SLC9A4: variants seen among roughly 807,000 people sequenced by gnomAD.
SLC9A4 encodes the protein solute carrier family 9 member A4.
SLC9A4 carries 63 observed loss-of-function variants against 67.4 expected under a neutral mutation model. The observed-to-expected ratio is 0.93, with a 90% CI of 0.76 to 1.15. The LOEUF (loss-of-function observed/expected upper bound fraction) is 1.15, where lower values mean the gene tolerates loss of function less well. Among genes scored for constraint, SLC9A4 ranks in the 50% most tolerant of loss-of-function variants. SLC9A4 has a pLI of 0.00. For synonymous variants in SLC9A4, 393 were observed against 367.2 expected, an observed-to-expected ratio of 1.07 and a Z score of -0.80; for missense variants, 1,089 against 987.7, an observed-to-expected ratio of 1.10 and a Z score of -1.38.
At chr2:102,489,802 CTT>C (rs1462312288) in intron 2 of SLC9A4, among the ~76,000 whole-genome samples, 1 of 152,172 alleles carries the variant, frequency 6.6e-6, no homozygotes, top group Non-Finnish European at 1.5e-5. Context: ...AGCTTCCTCT[CTT>C]CTGCTTTTCA....
In SLC9A4 at chr2:102,479,266, C is replaced by A. The variant is rs975705657; in HGVS notation, c.684C>A (p.Ile228=). ...ARVNEQLYMM[I]FGEALLNDGI... is the part of the protein sequence containing the mutation. ...TGAACGAGCAGCTCTACATGATGAT[C>A]TTTGGGGAGGCCCTGCTCAATGATG... Residue 228 remains isoleucine (I), a synonymous_variant, in exon 2 of 12, where the codon ATC becomes ATA. Transcript: ENST00000295269. 22 of 1,613,248 alleles carry A rather than the reference C, an allele frequency of 1.4e-5. No homozygotes were observed. Among genetic ancestry groups the A allele is most frequent in the African/African-American group, 2.7e-5 (2 of 74,936 alleles).
intron 2 of SLC9A4, among the ~76,000 whole-genome samples, chr2:102,481,561 A>G (rs574550244): frequency 6.6e-6 from 1 of 152,264 alleles, no homozygotes; most frequent in South Asian, 2.1e-4. Context: ...CCCAATTTTT[A>G]TATGCAAATG....
rs759979484 is a variant in SLC9A4, at chr2:102,532,381, C to T, written c.2090C>T (p.Ser697Phe). Residue 697 changes from serine to phenylalanine, a missense_variant, in exon 12 of 12, where the codon TCT (serine) becomes TTT (phenylalanine). Coordinates refer to ENST00000295269, the MANE Select transcript of SLC9A4 (RefSeq NM_001011552.4). ...GSPSITFSAC[S>F]RIGSLQKQEA... ...CCATCCATCACGTTCAGCGCATGCT[C>T]TCGGATAGGGTCACTTCAGAAGCAA... is the stretch of plus-strand genomic sequence containing the variant. 1.2e-5 allele frequency: 19 copies of T among 1,614,152 alleles called. 1 individual carries two copies. Among genetic ancestry groups the T allele is most frequent in the South Asian group, 2.2e-5 (2 of 91,070 alleles).
intron 2 of SLC9A4, among the ~76,000 whole-genome samples, chr2:102,483,837 T>TACACACACAC (rs1361861820): frequency 8.2e-5 from 10 of 121,806 alleles, no homozygotes; most frequent in African/African-American, 3.5e-4. Flanking sequence ...TATATATATA[T>TACACACACAC]ATATACACAC....
chr2:102,529,528 C>T (rs570383120), intron 11 of SLC9A4, among the ~76,000 whole-genome samples: 4 of 152,178 alleles, frequency 2.6e-5, no homozygotes, highest in Admixed American at 1.3e-4. Context: ...TCTGTGGTTA[C>T]GATTTATGAA....
Position 102,508,140 on chromosome 2 carries a change from C to G in SLC9A4, c.1260C>G (p.Asp420Glu). 2.5e-6 allele frequency: 4 copies of G among 1,614,198 alleles called. No homozygotes were observed. The highest frequency in any genetic ancestry group is 3.4e-6 in the Non-Finnish European group (4 of 1,180,040). ...GGACTTTCCCCTTCTCCATCAAGGA[C>G]CAGTGCATCATTTTCTACAGTGGTG... ...QFRTFPFSIK[D>E]QCIIFYSGVR... The change falls in exon 5 of 12, where the codon GAC becomes GAG. Residue 420 changes from aspartate (D) to glutamate (E), a missense_variant. By Grantham distance (45) the Asp-to-Glu change is conservative (BLOSUM62 2). Coordinates refer to ENST00000295269, the MANE Select transcript of SLC9A4 (RefSeq NM_001011552.4).
At chr2:102,519,261 T>C (rs1685344327) in intron 8 of SLC9A4, among the ~76,000 whole-genome samples, 1 of 152,214 alleles carries the variant, frequency 6.6e-6, no homozygotes, top group Non-Finnish European at 1.5e-5. Context: ...GATTCTGGTT[T>C]CTTCAATTAT....
Position 102,526,316 on chromosome 2 carries a change from G to A in SLC9A4, c.2008G>A (p.Gly670Arg), listed in dbSNP as rs1453025408. The change falls in exon 11 of 12, where the codon GGA (glycine) becomes AGA (arginine). Residue 670 changes from glycine (G) to arginine (R), a missense_variant. Physicochemically the swap from Gly to Arg is moderately radical, Grantham distance 125 (BLOSUM62 -2). Transcript: ENST00000295269. ...SYPYGNPQSAGRDTRAAGFSD... is the reference protein window; with the variant it reads ...SYPYGNPQSARRDTRAAGFSD... ...CCCCTACGGGAATCCTCAGTCTGCA[G>A]GAAGAGACACAAGGGCTGCTGGGTT... The A allele has an allele frequency of 6.2e-7, 1 of 1,613,906 alleles. No individual in the cohort carries two copies. The highest frequency in any genetic ancestry group is 1.1e-5 in the South Asian group (1 of 91,078).
In SLC9A4 at chr2:102,487,728, A is replaced by G. The variant is rs572832689; in HGVS notation, c.720+8426A>G. On this transcript the variant is annotated intron_variant, in intron 2 of 11. Transcript: ENST00000295269. Reference sequence around the variant, plus strand: ...TCAGGTCACATGCACAAGAAAAAAGAAAAAGCCTCTCGTTATCAAGTTGTC... The same window carrying G: ...TCAGGTCACATGCACAAGAAAAAAGGAAAAGCCTCTCGTTATCAAGTTGTC... Among the ~76,000 whole-genome samples the G allele has an allele frequency of 3.3e-5, 5 of 152,362 alleles. No individual in the cohort carries two copies. The East Asian group carries it at 7.7e-4, about 24-fold the overall frequency.
chr2:102,477,794 C>T (rs1684364402), intron 1 of SLC9A4, among the ~76,000 whole-genome samples: 1 of 152,166 alleles, frequency 6.6e-6, no homozygotes, highest in African/African-American at 2.4e-5. Context: ...ATGCAGGCTA[C>T]ATAAAGATAG....
intron 2 of SLC9A4, among the ~76,000 whole-genome samples, chr2:102,480,686 A>G (rs1684442571): frequency 6.6e-6 from 1 of 152,208 alleles, no homozygotes; most frequent in South Asian, 2.1e-4. Flanking sequence ...TTTAAACAGT[A>G]TGTACATTTA....
At chr2:102,483,841 T>TATATATACAC (rs370126753) in intron 2 of SLC9A4, among the ~76,000 whole-genome samples, 25 of 126,772 alleles carry the variant, frequency 2.0e-4, no homozygotes, top group South Asian at 1.0e-3. Flanking sequence ...TATATATATA[T>TATATATACAC]ACACACACAC....
In SLC9A4 at chr2:102,473,622, A is replaced by G. The variant is rs1279964069; in HGVS notation, c.-138A>G. 1 of 1,053,884 alleles carries G rather than the reference A, an allele frequency of 9.5e-7. No individual in the cohort carries two copies. Among genetic ancestry groups the G allele is most frequent in the African/African-American group, 1.6e-5 (1 of 62,460 alleles). 65.3% of individuals were successfully genotyped at this position (1,053,884 alleles called of 1,614,324 possible). A position where few individuals can be genotyped will look rare whatever the true frequency, so the allele number is the denominator to read the frequency against. On this transcript the variant is annotated 5_prime_UTR_variant, in exon 1 of 12. Transcript: ENST00000295269. The stretch of plus-strand genomic sequence containing the variant: ...TACAGAGCTCAATAACACACTCGGA[A>G]TCTTCTTGGGAGGACCCACAGACTG...
chr2:102,503,327 T>A, intron 2 of SLC9A4, 121 bp from the exon 3 acceptor site: 1 of 930,764 alleles, frequency 1.1e-6, no homozygotes, highest in Non-Finnish European at 1.6e-6. Context: ...ATCTTAGTAT[T>A]TTTTGTTGTG....
chr2:102,483,799 CATATATATAT>C (rs61195337), intron 2 of SLC9A4, among the ~76,000 whole-genome samples: 8,501 of 114,122 alleles, frequency 0.074, 476 homozygotes, highest in African/African-American at 0.15. Context: ...CCATGTACAG[CATATATATAT>C]ATATATATAT....
chr2:102,488,366 T>G (rs1373529712), intron 2 of SLC9A4, among the ~76,000 whole-genome samples: 2 of 152,128 alleles, frequency 1.3e-5, no homozygotes, highest in Non-Finnish European at 2.9e-5. Flanking sequence ...CAGCAGAACC[T>G]GTTACACAGG....
In SLC9A4 at chr2:102,505,433, G is replaced by C; in HGVS notation, c.1160G>C (p.Cys387Ser). Residue 387 changes from cysteine (C) to serine (S), a missense_variant, in exon 4 of 12, where the codon TGC becomes TCC. Transcript: ENST00000295269. ...KNHEWNWAFICFTLAFCQIWR... is the reference protein window; with the variant it reads ...KNHEWNWAFISFTLAFCQIWR... The stretch of plus-strand genomic sequence containing the variant: ...CACGAGTGGAACTGGGCCTTCATCT[G>C]CTTCACCCTGGCCTTCTGCCAAATC... 6.2e-7 allele frequency: 1 copy of C among 1,614,188 alleles called. No individual in the cohort carries two copies. The highest frequency in any genetic ancestry group is 8.5e-7 in the Non-Finnish European group (1 of 1,180,044).
At chr2:102,485,067 T>C (rs184159731) in intron 2 of SLC9A4, among the ~76,000 whole-genome samples, 2 of 152,302 alleles carry the variant, frequency 1.3e-5, no homozygotes, top group East Asian at 3.9e-4. Context: ...GAGGTGGTGA[T>C]AGTACACAGT....
chr2:102,519,227 G>A (rs950185081), intron 8 of SLC9A4, among the ~76,000 whole-genome samples: 9 of 152,114 alleles, frequency 5.9e-5, no homozygotes, highest in African/African-American at 2.2e-4. Flanking sequence ...TGGTATAAAT[G>A]GTCTAATTGC....
Sources: allele counts gnomAD v4.1 joint callset (sites outside exome capture counted in the v4.1 genomes callset), GRCh38; gene constraint gnomAD v4.1.1; transcripts MANE v1.5; gene names NCBI Gene and HGNC (gene_info 2026-07-23, HGNC 2026-07-21).